The following OSBPL10 variants were observed in gnomAD, a reference collection of about 807,000 sequenced individuals.
OSBPL10 encodes the protein oxysterol-binding protein-related protein 10.
In OSBPL10, 49 loss-of-function variants were observed where a neutral mutation model predicts 81.7. The observed-to-expected ratio is 0.60, with a 90% CI of 0.48 to 0.76. The LOEUF is 0.76. Ranked by LOEUF, OSBPL10 falls within the 30% of genes least tolerant of loss-of-function variation. The pLI is 0.00. For synonymous variants in OSBPL10, 419 were observed against 383.6 expected (o/e 1.09, Z -1.08); for missense variants, 923 against 987.8 (o/e 0.93, Z 0.88).
intron 4 of OSBPL10, among the ~76,000 whole-genome samples, chr3:31,829,162 C>T (rs917463119): frequency 3.3e-5 from 5 of 152,094 alleles, no homozygotes; most frequent in African/African-American, 7.2e-5. Context: ...CTGTGTGACA[C>T]GGAGGAAGAG....
intron 4 of OSBPL10, among the ~76,000 whole-genome samples, chr3:31,753,658 T>G (rs1448388479): frequency 6.6e-6 from 1 of 152,186 alleles, no homozygotes; most frequent in African/African-American, 2.4e-5. Context: ...TCCCCAAATG[T>G]TCATCAACGC....
At chr3:31,958,953 T>C (rs1432256197) in intron 1 of OSBPL10, among the ~76,000 whole-genome samples, 2 of 152,130 alleles carry the variant, frequency 1.3e-5, no homozygotes, top group Non-Finnish European at 2.9e-5. Flanking sequence ...CTCCAGCACA[T>C]GGGAAACTCA....
At chr3:31,843,735 G>A (rs909791945) in intron 3 of OSBPL10, among the ~76,000 whole-genome samples, 2 of 152,170 alleles carry the variant, frequency 1.3e-5, no homozygotes, top group South Asian at 4.1e-4. Flanking sequence ...CTACATTGAG[G>A]AATACAGAGA....
chr3:31,755,255 G>T (rs759798024), intron 4 of OSBPL10, among the ~76,000 whole-genome samples: 1 of 152,170 alleles, frequency 6.6e-6, no homozygotes, highest in Admixed American at 6.5e-5. Context: ...GGTAGGAGGG[G>T]AGTCTCAGGC....
chr3:31,868,672 G>C (rs935200043), intron 3 of OSBPL10, among the ~76,000 whole-genome samples: 7 of 151,840 alleles, frequency 4.6e-5, no homozygotes, highest in Non-Finnish European at 8.8e-5. Flanking sequence ...TGAAAATATT[G>C]TAAGTTTCCA....
intron 3 of OSBPL10, among the ~76,000 whole-genome samples, chr3:31,843,515 G>A (rs1194732534): frequency 6.6e-6 from 1 of 152,130 alleles, no homozygotes; most frequent in Admixed American, 6.5e-5. Context: ...CATCCCTGAG[G>A]CTCTGCCTTC....
chr3:31,990,031 G>C, intron 2 of OSBPL10: 2 of 1,614,130 alleles, frequency 1.2e-6, no homozygotes, highest in Non-Finnish European at 1.7e-6. Context: ...CAAATGTGAA[G>C]AATGTGACAA....
intron 4 of OSBPL10, among the ~76,000 whole-genome samples, chr3:31,828,255 C>T (rs76438463): frequency 1.5e-3 from 228 of 152,092 alleles, no homozygotes; most frequent in African/African-American, 4.5e-3. Context: ...CTAACAGGAA[C>T]TTTTTATAAA....
At chr3:32,072,941 C>G (rs1293330666) in intron 1 of OSBPL10, among the ~76,000 whole-genome samples, 1 of 152,066 alleles carries the variant, frequency 6.6e-6, no homozygotes, top group Non-Finnish European at 1.5e-5. Flanking sequence ...GTCAAATCAC[C>G]CAAGCAGTTT....
At chr3:31,880,132 A>G (rs7629505) in intron 1 of OSBPL10, among the ~76,000 whole-genome samples, 112,309 of 152,190 alleles carry the variant, frequency 0.74, 42,293 homozygotes, top group African/African-American at 0.89. Context: ...CCTCAGAATG[A>G]CAGAGACTGG....
At chr3:32,055,096 A>G (rs998781104) in intron 1 of OSBPL10, among the ~76,000 whole-genome samples, 1 of 152,016 alleles carries the variant, frequency 6.6e-6, no homozygotes, top group African/African-American at 2.4e-5. Context: ...AGCTAATAGA[A>G]GACTGAAATA....
At chr3:31,915,271 T>C (rs1288705597) in intron 1 of OSBPL10, among the ~76,000 whole-genome samples, 2 of 152,120 alleles carry the variant, frequency 1.3e-5, no homozygotes, top group African/African-American at 2.4e-5. Context: ...CCCTTCCACT[T>C]CGCCTCCCAA....
chr3:31,692,510 C>T lies in OSBPL10; in HGVS notation c.1246-8396G>A, dbSNP rs112069560. On this transcript the variant is annotated intron_variant, in intron 7 of 11. Coordinates refer to ENST00000396556, the MANE Select transcript of OSBPL10 (RefSeq NM_017784.5). The stretch of plus-strand genomic sequence containing the variant: ...GTGACAATGTTGAAAGCTAAAATGA[C>T]TCACAATGCCCAGAGCAACCCCGAG... 9.3e-3 allele frequency among the ~76,000 whole-genome samples: 1,412 copies of T among 152,024 alleles called. 14 individuals are homozygous for T. Among genetic ancestry groups the T allele is most frequent in the Middle Eastern group, 0.024 (7 of 294 alleles).
intron 2 of OSBPL10, among the ~76,000 whole-genome samples, chr3:32,023,978 C>T (rs1010537195): frequency 7.9e-5 from 12 of 152,120 alleles, no homozygotes; most frequent in African/African-American, 2.9e-4. Flanking sequence ...CTGGGATTTT[C>T]CACTTAATAT....
intron 3 of OSBPL10, among the ~76,000 whole-genome samples, chr3:31,868,547 T>TA (rs1701239338): frequency 6.6e-6 from 1 of 152,036 alleles, no homozygotes; most frequent in Admixed American, 6.5e-5. Context: ...GAGAAGATAC[T>TA]AAAGCCCAAC....
At chr3:31,963,976 C>A (rs1160326399) in intron 1 of OSBPL10, among the ~76,000 whole-genome samples, 1 of 151,958 alleles carries the variant, frequency 6.6e-6, no homozygotes, top group African/African-American at 2.4e-5. Flanking sequence ...AGCCCTCCTG[C>A]TCAGCATCTT....
chr3:31,976,573 C>G (rs1336706913), intron 1 of OSBPL10, among the ~76,000 whole-genome samples: 1 of 152,202 alleles, frequency 6.6e-6, no homozygotes, highest in African/African-American at 2.4e-5. Flanking sequence ...CCAACTCAGA[C>G]CCCTGAGCAG....
chr3:31,781,625 T>C (rs892234755), intron 4 of OSBPL10, among the ~76,000 whole-genome samples: 6 of 152,188 alleles, frequency 3.9e-5, no homozygotes, highest in Non-Finnish European at 5.9e-5. Flanking sequence ...ACAAAATCAA[T>C]GTACACAAAT....
intron 2 of OSBPL10, among the ~76,000 whole-genome samples, chr3:32,028,928 ACACACACACACACACACACACACACAC>A (rs1699441527): frequency 1.2e-3 from 121 of 97,680 alleles, no homozygotes; most frequent in Non-Finnish European, 2.1e-3. Flanking sequence ...GCTAGTCAGG[ACACACACACACACACACACACACACAC>A]ACACACACAC....
Sources: gnomAD v4.1 joint callset for allele counts (sites outside exome capture counted in the v4.1 genomes callset) on GRCh38, gnomAD v4.1.1 for gene constraint, MANE v1.5 for transcripts, NCBI Gene and HGNC (gene_info 2026-07-23, HGNC 2026-07-21) for gene names.